Variants in ABTB3 observed in about 807,000 individuals in gnomAD.
ABTB3 encodes ankyrin repeat- and BTB/POZ domain-containing protein 3.
chr12:107,550,590 T>C, the ABTB3 span, among the ~76,000 whole-genome samples: 1 of 149,558 alleles, frequency 6.7e-6, no homozygotes, highest in East Asian at 1.9e-4. Context: ...TTTCTTTTTT[T>C]TTTTTTTTGA....
At chr12:107,553,978 G>A in the ABTB3 span, among the ~76,000 whole-genome samples, 53 of 152,266 alleles carry the variant, frequency 3.5e-4, no homozygotes, top group African/African-American at 1.2e-3. Context: ...GACTCAGAAA[G>A]GGATGCTGAG....
At chr12:107,603,012 T>C in the ABTB3 span, among the ~76,000 whole-genome samples, 1 of 152,190 alleles carries the variant, frequency 6.6e-6, no homozygotes, top group Non-Finnish European at 1.5e-5. Context: ...TACTGCATCA[T>C]TGAAAGCCAC....
chr12:107,633,497 T>G, the ABTB3 span, among the ~76,000 whole-genome samples: 1 of 152,190 alleles, frequency 6.6e-6, no homozygotes, highest in Non-Finnish European at 1.5e-5. Flanking sequence ...CCAGGGGTTA[T>G]TAGGGCATGC....
At chr12:107,386,223 C>T in the ABTB3 span, among the ~76,000 whole-genome samples, 1 of 152,204 alleles carries the variant, frequency 6.6e-6, no homozygotes, top group South Asian at 2.1e-4. Context: ...TCCTACCTGC[C>T]TAACGAGGCT....
At chr12:107,580,844 G>T in the ABTB3 span, 1 of 1,543,332 alleles carries the variant, frequency 6.5e-7, no homozygotes, top group Non-Finnish European at 8.8e-7. Flanking sequence ...TCGCCGAGAG[G>T]GATAATATTC....
chr12:107,615,758 T>G, the ABTB3 span, among the ~76,000 whole-genome samples: 3 of 152,238 alleles, frequency 2.0e-5, no homozygotes, highest in African/African-American at 7.2e-5. Context: ...GTATTGCTTG[T>G]ACTTTTTCTG....
chr12:107,458,216 T>A, the ABTB3 span, among the ~76,000 whole-genome samples: 1 of 152,182 alleles, frequency 6.6e-6, no homozygotes, highest in Non-Finnish European at 1.5e-5. Flanking sequence ...GTGCTAGGTA[T>A]CTTAAATGGC....
At chr12:107,497,087 T>C in the ABTB3 span, among the ~76,000 whole-genome samples, 7 of 152,142 alleles carry the variant, frequency 4.6e-5, no homozygotes, top group Non-Finnish European at 1.0e-4. Flanking sequence ...CTTTGAACAG[T>C]GCCTGGCACA....
chr12:107,538,354 C>G, the ABTB3 span, among the ~76,000 whole-genome samples: 1 of 152,182 alleles, frequency 6.6e-6, no homozygotes, highest in Admixed American at 6.5e-5. Context: ...AGGACCAGCC[C>G]CATTGGGTCA....
At chr12:107,460,585 G>A in the ABTB3 span, among the ~76,000 whole-genome samples, 7,588 of 152,066 alleles carry the variant, frequency 0.05, 632 homozygotes, top group African/African-American at 0.17. Context: ...CTTGAGCCCC[G>A]GAGGTGGAAG....
the ABTB3 span, among the ~76,000 whole-genome samples, chr12:107,636,478 C>T: frequency 4.6e-5 from 7 of 152,332 alleles, no homozygotes; most frequent in East Asian, 7.7e-4. Context: ...GAAATTTCTA[C>T]TCTTTAGCAA....
chr12:107,553,691 C>G, the ABTB3 span, among the ~76,000 whole-genome samples: 3 of 152,168 alleles, frequency 2.0e-5, no homozygotes, highest in Admixed American at 2.0e-4. Flanking sequence ...GTAATCCCAG[C>G]ATTTTGGGAG....
the ABTB3 span, among the ~76,000 whole-genome samples, chr12:107,342,752 C>G: frequency 6.6e-6 from 1 of 152,152 alleles, no homozygotes; most frequent in Non-Finnish European, 1.5e-5. Flanking sequence ...CATTTGCCCA[C>G]CTGGAATGGC....
chr12:107,319,677 G>A, the ABTB3 span: 3 of 1,536,214 alleles, frequency 2.0e-6, no homozygotes, highest in Non-Finnish European at 2.6e-6. Flanking sequence ...AGCCTCTTCC[G>A]GGACATCTAC....
At chr12:107,381,194 A>G in the ABTB3 span, among the ~76,000 whole-genome samples, 1 of 152,178 alleles carries the variant, frequency 6.6e-6, no homozygotes, top group Non-Finnish European at 1.5e-5. Context: ...TATTAGAAAG[A>G]TAGGTCTGCA....
the ABTB3 span, chr12:107,615,168 A>T: frequency 1.9e-6 from 3 of 1,605,852 alleles, no homozygotes; most frequent in Non-Finnish European, 2.6e-6. Flanking sequence ...TTCAGGTATT[A>T]ACGTATTTCC....
chr12:107,385,907 C>T, the ABTB3 span, among the ~76,000 whole-genome samples: 1 of 152,308 alleles, frequency 6.6e-6, no homozygotes, highest in East Asian at 1.9e-4. Flanking sequence ...AGGACCACAG[C>T]AGGCCTGGGA....
the ABTB3 span, among the ~76,000 whole-genome samples, chr12:107,400,204 G>A: frequency 6.6e-6 from 1 of 152,270 alleles, no homozygotes; most frequent in Middle Eastern, 3.4e-3. Flanking sequence ...TATATACCAA[G>A]TAATGGGATT....
chr12:107,560,749 GC>G, the ABTB3 span, among the ~76,000 whole-genome samples: 1 of 152,288 alleles, frequency 6.6e-6, no homozygotes, highest in East Asian at 1.9e-4. Context: ...AAGTAGCATG[GC>G]AGCCTCATCA....
Sources: gnomAD v4.1 joint callset for allele counts (sites outside exome capture counted in the v4.1 genomes callset) on GRCh38, gnomAD v4.1.1 for gene constraint, MANE v1.5 for transcripts, NCBI Gene and HGNC (gene_info 2026-07-23, HGNC 2026-07-21) for gene names.